The following PSKH1 variants were observed in gnomAD, a reference collection of about 807,000 sequenced individuals.
PSKH1 encodes the protein serine/threonine-protein kinase H1.
Under a neutral mutation model 26.7 loss-of-function variants are expected in PSKH1, and 12 were observed. That is an observed-to-expected ratio of 0.45 (90% CI 0.29 to 0.73). PSKH1 has a LOEUF of 0.73. PSKH1 is among the 30% of genes least tolerant of loss of function. The probability of loss-of-function intolerance (pLI) is 0.11; values close to 1 mark genes in which losing one functional copy is unlikely to be tolerated. For missense variants in PSKH1, 431 were observed against 595.2 expected, an observed-to-expected ratio of 0.72 and a Z score of 2.87; for synonymous variants, 213 against 234.3, an observed-to-expected ratio of 0.91 and a Z score of 0.83.
chr16:67,902,690 G>T (rs1192091034), intron 1 of PSKH1, among the ~76,000 whole-genome samples: 1 of 152,144 alleles, frequency 6.6e-6, no homozygotes, highest in Non-Finnish European at 1.5e-5. Context: ...CAGTACATGT[G>T]CCTGTAGATG....
Position 67,924,109 on chromosome 16 carries a change from G to A in PSKH1, c.958-3216G>A, listed in dbSNP as rs139256170. 4.6e-3 allele frequency among the ~76,000 whole-genome samples: 699 copies of A among 152,324 alleles called. 23 individuals carry two copies. Among genetic ancestry groups the A allele is most frequent in the Admixed American group, 0.041 (624 of 15,300 alleles). ...AGGACCACCTTCTTGTGTTCAGCCT[G>A]ACTTTCCTCTGTGTACAAGGGTTAG... On this transcript the variant is annotated intron_variant, in intron 2 of 2. Transcript: ENST00000291041.
chr16:67,922,054 C>A (rs2058204084), intron 2 of PSKH1, among the ~76,000 whole-genome samples: 1 of 151,980 alleles, frequency 6.6e-6, no homozygotes, highest in Non-Finnish European at 1.5e-5. Context: ...TCTCCCCCCA[C>A]ACCCTTCCCT....
Position 67,909,105 on chromosome 16 carries a change from C to G in PSKH1, c.356C>G (p.Ala119Gly). 1 of 1,613,332 alleles carries G rather than the reference C, an allele frequency of 6.2e-7. No individual in the cohort carries two copies. Among genetic ancestry groups the G allele is most frequent in the Non-Finnish European group, 8.5e-7 (1 of 1,179,682 alleles). The part of the protein sequence containing the change: ...FSRVVRVEHR[A>G]TRQPYAIKMI... ...CGAGTGGTACGTGTAGAGCACCGGG[C>G]AACCCGGCAGCCGTATGCCATCAAG... Residue 119 changes from alanine (A) to glycine (G), a missense_variant, in exon 2 of 3, where the codon GCA becomes GGA. By Grantham distance (60) the Ala-to-Gly change is moderately conservative (BLOSUM62 0). Transcript: ENST00000291041. This position sits in a 1 kb window ranked among gnomAD's most constrained non-coding sequence, Gnocchi z 7.8.
At position 67,909,240 on chromosome 16, in the gene PSKH1, C is replaced by T; in HGVS notation, c.491C>T (p.Thr164Ile). The change falls in exon 2 of 3, where the codon ACA (threonine) becomes ATA (isoleucine). Residue 164 changes from threonine to isoleucine, a missense_variant. By Grantham distance (89) the Thr-to-Ile change is moderately conservative (BLOSUM62 -1). Coordinates refer to ENST00000291041, the MANE Select transcript of PSKH1 (RefSeq NM_006742.3). This position sits in a 1 kb window ranked among gnomAD's most constrained non-coding sequence, Gnocchi z 7.8. ...NIIQLVEVFE[T>I]QERVYMVMEL... Reference sequence around the variant, plus strand: ...ATCCAGCTGGTGGAGGTGTTCGAGACACAGGAGCGGGTGTACATGGTGATG... The same window carrying T: ...ATCCAGCTGGTGGAGGTGTTCGAGATACAGGAGCGGGTGTACATGGTGATG... The T allele has an allele frequency of 6.2e-7, 1 of 1,614,082 alleles. No individual in the cohort carries two copies. The highest frequency in any genetic ancestry group is 8.5e-7 in the Non-Finnish European group (1 of 1,180,024).
chr16:67,893,700 C>T (rs1240202577), intron 1 of PSKH1, among the ~76,000 whole-genome samples: 2 of 152,358 alleles, frequency 1.3e-5, no homozygotes, highest in East Asian at 3.9e-4. Flanking sequence ...GTTGATCCAA[C>T]CTGGTTGTCC....
chr16:67,920,019 C>T (rs2058197750), intron 2 of PSKH1, among the ~76,000 whole-genome samples: 1 of 152,220 alleles, frequency 6.6e-6, no homozygotes, highest in African/African-American at 2.4e-5. Flanking sequence ...GTCACAGCTG[C>T]CTTTCATCAC....
intron 2 of PSKH1, among the ~76,000 whole-genome samples, chr16:67,911,075 G>C (rs750655353): frequency 1.8e-4 from 28 of 152,266 alleles, no homozygotes; most frequent in Non-Finnish European, 3.2e-4. Flanking sequence ...GAAGCAGCAA[G>C]CATGGCAGCT....
rs761461361 is a variant in PSKH1, at chr16:67,909,097, G to A, written c.348G>A (p.Glu116=). The A allele has an allele frequency of 3.1e-6, 5 of 1,611,294 alleles. No homozygotes were observed. The South Asian group carries it at 4.4e-5, about 14-fold the overall frequency. Residue 116 remains glutamate, a synonymous_variant, in exon 2 of 3, where the codon GAG becomes GAA. Coordinates refer to ENST00000291041, the MANE Select transcript of PSKH1 (RefSeq NM_006742.3). This position sits in a 1 kb window ranked among gnomAD's most constrained non-coding sequence, Gnocchi z 7.8. ...GCTTCAGCCGAGTGGTACGTGTAGAGCACCGGGCAACCCGGCAGCCGTATG... is the reference window on the plus strand; with the variant it reads ...GCTTCAGCCGAGTGGTACGTGTAGAACACCGGGCAACCCGGCAGCCGTATG... ...RGSFSRVVRV[E]HRATRQPYAI... is the part of the protein sequence containing the mutation.
intron 1 of PSKH1, among the ~76,000 whole-genome samples, chr16:67,903,482 T>C (rs1375821795): frequency 6.6e-6 from 1 of 151,992 alleles, no homozygotes; most frequent in Non-Finnish European, 1.5e-5. Context: ...CTCTCTCTCT[T>C]TTTGAGATGG....
chr16:67,923,935 G>A (rs1166727204), intron 2 of PSKH1, among the ~76,000 whole-genome samples: 1 of 152,216 alleles, frequency 6.6e-6, no homozygotes, highest in Non-Finnish European at 1.5e-5. Context: ...TTCTTAGGAG[G>A]TGCTGAGTTG....
chr16:67,921,612 A>G (rs986839429), intron 2 of PSKH1, among the ~76,000 whole-genome samples: 4 of 152,138 alleles, frequency 2.6e-5, no homozygotes, highest in African/African-American at 9.7e-5. Context: ...CAAAAATCAA[A>G]AAACCAGGCT....
At chr16:67,920,538 C>T (rs768963819) in intron 2 of PSKH1, among the ~76,000 whole-genome samples, 10 of 152,150 alleles carry the variant, frequency 6.6e-5, no homozygotes, top group Non-Finnish European at 4.4e-5. Context: ...AGATTAAAGG[C>T]GTGAGCCACT....
chr16:67,913,206 G>T (rs1178355193), intron 2 of PSKH1, among the ~76,000 whole-genome samples: 2 of 152,024 alleles, frequency 1.3e-5, no homozygotes, highest in Non-Finnish European at 2.9e-5. Context: ...GAGTGCAGGG[G>T]TGCGATCTTG....
intron 1 of PSKH1, among the ~76,000 whole-genome samples, chr16:67,906,969 C>CT (rs986926896): frequency 9.3e-4 from 135 of 144,524 alleles, no homozygotes; most frequent in Middle Eastern, 3.6e-3. Context: ...CCCTCTGACT[C>CT]TTTTTTTTTT....
intron 1 of PSKH1, among the ~76,000 whole-genome samples, chr16:67,895,553 C>G (rs2058124119): frequency 6.6e-6 from 1 of 151,948 alleles, no homozygotes; most frequent in African/African-American, 2.4e-5. Context: ...GGATTACAAT[C>G]ACGCATCACC....
At position 67,908,771 on chromosome 16, in the gene PSKH1, G is replaced by A. The variant is rs889100595; in HGVS notation, c.22G>A (p.Val8Ile). Residue 8 changes from valine (V) to isoleucine (I), a missense_variant, in exon 2 of 3, where the codon GTC becomes ATC. Physicochemically the swap from Val to Ile is conservative, Grantham distance 29 (BLOSUM62 3). Transcript: ENST00000291041. Reference sequence around the variant, plus strand: ...CGTGATGGGCTGTGGGACAAGCAAGGTCCTTCCCGAGCCACCCAAGGATGT... The same window carrying A: ...CGTGATGGGCTGTGGGACAAGCAAGATCCTTCCCGAGCCACCCAAGGATGT... MGCGTSK[V>I]LPEPPKDVQL... 6.3e-7 allele frequency: 1 copy of A among 1,594,416 alleles called. No homozygotes were observed. The highest frequency in any genetic ancestry group is 8.6e-7 in the Non-Finnish European group (1 of 1,167,574).
chr16:67,912,018 GC>G (rs1463527031), intron 2 of PSKH1, among the ~76,000 whole-genome samples: 1 of 152,202 alleles, frequency 6.6e-6, no homozygotes, highest in Non-Finnish European at 1.5e-5. Context: ...GGATCTGTGG[GC>G]CTAGGGGTGA....
At chr16:67,910,297 CAGATGAGCTCAGGGGGTGGGCTG>C (rs1200144095) in intron 2 of PSKH1, among the ~76,000 whole-genome samples, 3 of 152,146 alleles carry the variant, frequency 2.0e-5, no homozygotes, top group Non-Finnish European at 4.4e-5. Flanking sequence ...GCCACAGCTG[CAGATGAGCTCAGGGGGTGGGCTG>C]AGAGGATGTG....
chr16:67,905,440 G>A (rs560890663), intron 1 of PSKH1, among the ~76,000 whole-genome samples: 2 of 152,258 alleles, frequency 1.3e-5, no homozygotes, highest in South Asian at 2.1e-4. Flanking sequence ...TTCCTCATCT[G>A]ACTCATTCTT....
Sources: gnomAD v4.1 joint callset for allele counts (sites outside exome capture counted in the v4.1 genomes callset) on GRCh38, gnomAD v4.1.1 for gene constraint, Gnocchi (gnomAD v3.1) non-coding constraint, MANE v1.5 for transcripts, NCBI Gene and HGNC (gene_info 2026-07-23, HGNC 2026-07-21) for gene names.